NRG2: variants seen among roughly 807,000 people sequenced by gnomAD.
NRG2 encodes neuregulin 2.
NRG2 carries 27 observed loss-of-function variants against 73.9 expected under a neutral mutation model. That is an observed-to-expected ratio of 0.37 (90% CI 0.27 to 0.50). The LOEUF (loss-of-function observed/expected upper bound fraction) is 0.50, where lower values mean the gene tolerates loss of function less well. Among genes scored for constraint, NRG2 ranks in the 20% least tolerant of loss-of-function variants. NRG2 has a pLI of 0.96. For synonymous variants in NRG2, 532 were observed against 541.0 expected (o/e 0.98, Z 0.23); for missense variants, 1,126 against 1,210.1 (o/e 0.93, Z 1.03).
At chr5:139,932,345 G>A (rs151260439) in intron 1 of NRG2, among the ~76,000 whole-genome samples, 64 of 151,878 alleles carry the variant, frequency 4.2e-4, no homozygotes, top group African/African-American at 1.4e-3. Flanking sequence ...ACAGGAAGAT[G>A]TTATGCTAAG....
In NRG2 at chr5:139,853,892, T is replaced by G. The variant is rs574193199; in HGVS notation, c.1293-865A>C. On this transcript the variant is annotated intron_variant, in intron 6 of 9. Coordinates refer to ENST00000361474, the MANE Select transcript of NRG2 (RefSeq NM_004883.3). This position sits in a 1 kb window ranked among gnomAD's most constrained non-coding sequence, Gnocchi z 4.1. ...GTGACTATAGTCAATAATAATTTAA[T>G]TATACATTTAAAAGAGTATAACTGG... 1.8e-3 allele frequency among the ~76,000 whole-genome samples: 274 copies of G among 152,276 alleles called. 1 individual carries two copies. The highest frequency in any genetic ancestry group is 6.4e-3 in the African/African-American group (264 of 41,538).
intron 1 of NRG2, among the ~76,000 whole-genome samples, chr5:139,900,542 T>C (rs2127166779): frequency 6.6e-6 from 1 of 152,340 alleles, no homozygotes; most frequent in East Asian, 1.9e-4. Flanking sequence ...ATGGTTCCAA[T>C]GGGGCCCAGG....
intron 1 of NRG2, among the ~76,000 whole-genome samples, chr5:139,906,876 A>G (rs1303982695): frequency 6.6e-6 from 1 of 152,236 alleles, no homozygotes; most frequent in East Asian, 1.9e-4. Context: ...AGTTGGCCAT[A>G]TTAAGAGGTA....
intron 5 of NRG2, among the ~76,000 whole-genome samples, chr5:139,857,335 T>C (rs1159420762): frequency 6.6e-6 from 1 of 152,148 alleles, no homozygotes; most frequent in Admixed American, 6.5e-5. Flanking sequence ...ACTCTCAAAT[T>C]TTTATGTCCT....
chr5:140,035,623 G>A (rs989332576), intron 1 of NRG2, among the ~76,000 whole-genome samples: 2 of 152,126 alleles, frequency 1.3e-5, no homozygotes, highest in African/African-American at 4.8e-5. Flanking sequence ...CTTTTGCATG[G>A]GCTGGACCAG....
chr5:139,850,887 TC>T, intron 9 of NRG2, among the ~76,000 whole-genome samples: 1 of 152,252 alleles, frequency 6.6e-6, no homozygotes, highest in African/African-American at 2.4e-5. Flanking sequence ...CCCCTCCCAC[TC>T]TGCAGTTTAC....
At chr5:139,943,123 G>A (rs775175780) in intron 1 of NRG2, among the ~76,000 whole-genome samples, 15 of 151,958 alleles carry the variant, frequency 9.9e-5, no homozygotes, top group South Asian at 4.2e-4. Context: ...TTATAGGTGC[G>A]AGCCACCGTG....
At chr5:139,944,232 C>T (rs1358319530) in intron 1 of NRG2, among the ~76,000 whole-genome samples, 3 of 152,158 alleles carry the variant, frequency 2.0e-5, no homozygotes, top group Non-Finnish European at 4.4e-5. Context: ...TATCCATCAT[C>T]TCAAACATTT....
chr5:139,991,057 C>T (rs1455287676), intron 1 of NRG2, among the ~76,000 whole-genome samples: 1 of 152,000 alleles, frequency 6.6e-6, no homozygotes, highest in South Asian at 2.1e-4. Flanking sequence ...AGGTGGATCA[C>T]GAGGTCAGGA....
rs890391093 is a variant in NRG2 at position 139,879,450 on chromosome 5, G to A, written c.991+1406C>T. On this transcript the variant is annotated intron_variant, in intron 3 of 9. Transcript: ENST00000361474. ...GCCTCCTCTTCCCACCCCACTCTCC[G>A]AACATGGGAGAGGCCCATTTTACAG... 1.1e-4 allele frequency among the ~76,000 whole-genome samples: 16 copies of A among 152,222 alleles called. 1 individual carries two copies. Among genetic ancestry groups the A allele is most frequent in the East Asian group, 3.9e-4 (2 of 5,174 alleles).
intron 5 of NRG2, among the ~76,000 whole-genome samples, chr5:139,864,568 C>T (rs1762359360): frequency 2.6e-5 from 4 of 151,872 alleles, no homozygotes; most frequent in Admixed American, 2.6e-4. Context: ...AACCCCCGCC[C>T]CCTCTCCCAC....
At chr5:139,922,906 C>T (rs1448668505) in intron 1 of NRG2, among the ~76,000 whole-genome samples, 1 of 152,070 alleles carries the variant, frequency 6.6e-6, no homozygotes, top group African/African-American at 2.4e-5. Flanking sequence ...AAAGGCAAAA[C>T]TATGGAAACA....
At chr5:139,917,799 C>G (rs1045101726) in intron 1 of NRG2, among the ~76,000 whole-genome samples, 1 of 152,108 alleles carries the variant, frequency 6.6e-6, no homozygotes, top group East Asian at 1.9e-4. Flanking sequence ...ACTCTCTTAT[C>G]TGATAAAATT....
chr5:139,938,608 T>G (rs1753027181), intron 1 of NRG2, among the ~76,000 whole-genome samples: 1 of 151,972 alleles, frequency 6.6e-6, no homozygotes, highest in African/African-American at 2.4e-5. Flanking sequence ...CAAGTGATTC[T>G]CTCACCTTGG....
At chr5:139,949,376 C>T (rs1754025931) in intron 1 of NRG2, among the ~76,000 whole-genome samples, 1 of 152,152 alleles carries the variant, frequency 6.6e-6, no homozygotes, top group African/African-American at 2.4e-5. Context: ...GGAAAAGACC[C>T]AGAACTAATT....
At chr5:139,881,402 G>A (rs1763518841) in intron 2 of NRG2, among the ~76,000 whole-genome samples, 2 of 152,212 alleles carry the variant, frequency 1.3e-5, no homozygotes, top group South Asian at 2.1e-4. Flanking sequence ...AGATACCCGG[G>A]AGGGCAGCTG....
At chr5:140,034,219 C>T (rs1233521673) in intron 1 of NRG2, among the ~76,000 whole-genome samples, 1 of 152,146 alleles carries the variant, frequency 6.6e-6, no homozygotes, top group African/African-American at 2.4e-5. Flanking sequence ...CTTGGCCTGC[C>T]CAAGTGCTGG....
chr5:139,979,785 G>A (rs1356905000), intron 1 of NRG2, among the ~76,000 whole-genome samples: 2 of 152,188 alleles, frequency 1.3e-5, no homozygotes, highest in African/African-American at 4.8e-5. Context: ...CAGTCCTGGA[G>A]GACAGCTTGA....
At chr5:139,858,053 C>A (rs1761914780) in intron 5 of NRG2, among the ~76,000 whole-genome samples, 1 of 152,202 alleles carries the variant, frequency 6.6e-6, no homozygotes, top group Non-Finnish European at 1.5e-5. Flanking sequence ...TTATTTACAA[C>A]CATAAAGCAG....
Sources: gnomAD v4.1 joint callset for allele counts (sites outside exome capture counted in the v4.1 genomes callset) on GRCh38, gnomAD v4.1.1 for gene constraint, Gnocchi (gnomAD v3.1) non-coding constraint, MANE v1.5 for transcripts, NCBI Gene and HGNC (gene_info 2026-07-23, HGNC 2026-07-21) for gene names.